IPP: variants seen among roughly 807,000 people sequenced by gnomAD.
IPP encodes intracisternal A particle-promoted polypeptide.
IPP carries 41 observed loss-of-function variants against 64.1 expected under a neutral mutation model. The ratio of observed to expected loss-of-function variants is 0.64; its 90% CI spans 0.50 to 0.83. The LOEUF (loss-of-function observed/expected upper bound fraction) is 0.83. IPP is among the 40% of genes least tolerant of loss of function. The pLI, the probability that IPP is intolerant of heterozygous loss-of-function variation, is 0.00. For missense variants in IPP, 649 were observed against 703.0 expected, an observed-to-expected ratio of 0.92 and a Z score of 0.87; for synonymous variants, 214 against 235.2, an observed-to-expected ratio of 0.91 and a Z score of 0.83.
intron 2 of IPP, among the ~76,000 whole-genome samples, chr1:45,741,623 CTT>C (rs57797396): frequency 2.1e-5 from 2 of 96,128 alleles, no homozygotes; most frequent in African/African-American, 3.9e-5. Flanking sequence ...TTCTTATTTT[CTT>C]TTTTTTTTTT....
chr1:45,727,716 C>A lies in IPP; in HGVS notation c.963G>T (p.Gln321His). ...GAAGTGAAGACACAGTGGTCCAGTA[C>A]TGGCTAAAGGTGTCAAAACGTTCTA... Reference protein sequence around the residue: ...SCVERFDTFSQYWTTVSSLHQ... With the variant: ...SCVERFDTFSHYWTTVSSLHQ... Residue 321 changes from glutamine to histidine, a missense_variant, in exon 5 of 9, where the codon CAG becomes CAT. Transcript: ENST00000396478. 1 of 1,602,222 alleles carries A rather than the reference C, an allele frequency of 6.2e-7. No homozygotes were observed. Among genetic ancestry groups the A allele is most frequent in the Non-Finnish European group, 8.5e-7 (1 of 1,171,350 alleles).
rs1414315180 is a variant in IPP, at chr1:45,724,348, G to A, written c.1048+3283C>T. ...GGCTCGCTACAACCACCTCCCAGCCGCCTGCCTTGGCCTCCCAAAGAGCCG... is the reference window on the plus strand; with the variant it reads ...GGCTCGCTACAACCACCTCCCAGCCACCTGCCTTGGCCTCCCAAAGAGCCG... On this transcript the variant is annotated intron_variant, in intron 5 of 8. Transcript: ENST00000396478. Among the ~76,000 whole-genome samples, 3 of 151,442 alleles carry A rather than the reference G, an allele frequency of 2.0e-5. No individual in the cohort carries two copies. In the East Asian group the frequency reaches 5.9e-4, roughly 30 times the overall value.
chr1:45,719,158 T>C, intron 6 of IPP, 45 bp downstream of exon 6: 1 of 1,593,456 alleles, frequency 6.3e-7, no homozygotes, highest in Non-Finnish European at 8.6e-7. Context: ...AAATTAAAAA[T>C]ACATAAACAA....
At position 45,719,191 on chromosome 1, in the gene IPP, C is replaced by A. The variant is rs777006275; in HGVS notation, c.1186+12G>T. 1 of 1,613,318 alleles carries A rather than the reference C, an allele frequency of 6.2e-7. No individual in the cohort carries two copies. The highest frequency in any genetic ancestry group is 8.5e-7 in the Non-Finnish European group (1 of 1,179,634). On this transcript the variant is annotated intron_variant, in intron 6 of 8. Coordinates refer to ENST00000396478, the MANE Select transcript of IPP (RefSeq NM_005897.3). ...CAATATTAGCTATCTTTAAACTGAA[C>A]AACATAATTACCCAAAGCATAGATA...
intron 5 of IPP, among the ~76,000 whole-genome samples, chr1:45,721,089 T>G (rs374860218): frequency 6.6e-6 from 1 of 152,108 alleles, no homozygotes; most frequent in East Asian, 1.9e-4. Flanking sequence ...ACATATGACT[T>G]TATGAGGGTC....
At chr1:45,703,545 G>A (rs1645481980) in intron 8 of IPP, among the ~76,000 whole-genome samples, 1 of 151,466 alleles carries the variant, frequency 6.6e-6, no homozygotes, top group African/African-American at 2.4e-5. Flanking sequence ...ATGTTCAAGT[G>A]AATTTGAGAG....
chr1:45,738,850 A>ACAAAAAAAAC (rs1646016971), intron 3 of IPP, among the ~76,000 whole-genome samples: 1 of 139,130 alleles, frequency 7.2e-6, no homozygotes, highest in Non-Finnish European at 1.5e-5. Context: ...AAAAAAAAAA[A>ACAAAAAAAAC]AAAAAAAAAA....
At chr1:45,750,561 C>T (rs1646209064) in intron 1 of IPP, 36 bp downstream of exon 1, 1 of 152,494 alleles carries the variant, frequency 6.6e-6, no homozygotes, top group Non-Finnish European at 1.5e-5. Context: ...GTTCCCAACC[C>T]CGTCACAGAC....
chr1:45,709,541 G>A (rs1298906864), intron 8 of IPP, among the ~76,000 whole-genome samples: 2 of 150,516 alleles, frequency 1.3e-5, no homozygotes, highest in Non-Finnish European at 3.0e-5. Context: ...TAAACATATG[G>A]GTATTTATAA....
intron 3 of IPP, among the ~76,000 whole-genome samples, chr1:45,735,621 A>ATTTT (rs1160000550): frequency 2.1e-3 from 119 of 57,436 alleles, no homozygotes; most frequent in Non-Finnish European, 2.5e-3. Context: ...AGACCTGGCT[A>ATTTT]TTTTTTTTTT....
intron 5 of IPP, among the ~76,000 whole-genome samples, chr1:45,724,238 C>T (rs1232925568): frequency 5.9e-5 from 9 of 152,202 alleles, no homozygotes; most frequent in African/African-American, 2.2e-4. Context: ...CCAGCCTTCG[C>T]CTCCCGAGGT....
chr1:45,696,626 C>A (rs1336202165), downstream of IPP: 1 of 152,044 alleles, frequency 6.6e-6, no homozygotes, highest in Non-Finnish European at 1.5e-5. Flanking sequence ...ACAAAAAATA[C>A]AAAATTAGCT....
chr1:45,746,168 C>T lies in IPP; in HGVS notation c.244G>A (p.Gly82Arg). 1 of 1,614,024 alleles carries T rather than the reference C, an allele frequency of 6.2e-7. No homozygotes were observed. The highest frequency in any genetic ancestry group is 8.5e-7 in the Non-Finnish European group (1 of 1,179,894). Residue 82 changes from glycine (G) to arginine (R), a missense_variant, in exon 2 of 9, where the codon GGA becomes AGA. Coordinates refer to ENST00000396478, the MANE Select transcript of IPP (RefSeq NM_005897.3). The part of the protein sequence containing the change: ...ESSKDVVPIL[G>R]IEAGIFQILL... ...ATCTGAAAGATTCCTGCTTCAATTC[C>T]TAGAATCGGTACAACATCTTTTGAG...
In IPP at chr1:45,738,845, A is replaced by C. The variant is rs28488720; in HGVS notation, c.724+2056T>G. ...ACAGAGCAAGACTCCATCTCAAAAA[A>C]AAAAAAAAAAAAAAAAAAAACAAGA... On this transcript the variant is annotated intron_variant, in intron 3 of 8. Transcript: ENST00000396478. 5.4e-3 allele frequency among the ~76,000 whole-genome samples: 478 copies of C among 87,984 alleles called. 1 individual carries two copies. The highest frequency in any genetic ancestry group is 9.5e-3 in the South Asian group (22 of 2,320). The allele number at this position is 87,984 out of a possible 152,430, so 57.7% of individuals were successfully genotyped here. A position where few individuals can be genotyped will look rare whatever the true frequency, so the allele number is the denominator to read the frequency against.
downstream of IPP, chr1:45,694,549 C>T (rs1645370193): frequency 2.5e-6 from 3 of 1,185,638 alleles, no homozygotes; most frequent in South Asian, 2.6e-5. Context: ...TGAGTTTTCA[C>T]AGGAGTTACC....
downstream of IPP, chr1:45,698,704 A>T: frequency 1.1e-6 from 1 of 930,174 alleles, no homozygotes; most frequent in Non-Finnish European, 1.3e-6. Flanking sequence ...CAAAAAAGGA[A>T]GAATTTTTTT....
intron 3 of IPP, among the ~76,000 whole-genome samples, chr1:45,730,949 C>T (rs1645897208): frequency 6.6e-6 from 1 of 152,210 alleles, no homozygotes; most frequent in African/African-American, 2.4e-5. Flanking sequence ...AAAGGATCAC[C>T]TGGATTTGCT....
intron 3 of IPP, among the ~76,000 whole-genome samples, chr1:45,738,839 CAAAAAAAAAAAAA>C (rs752168393): frequency 1.2e-3 from 9 of 7,696 alleles, no homozygotes; most frequent in African/African-American, 2.8e-3. Context: ...GACTCCATCT[CAAAAAAAAAAAAA>C]AAAAAAAAAA....
intron 1 of IPP, among the ~76,000 whole-genome samples, chr1:45,749,874 C>T (rs1051342645): frequency 6.6e-6 from 1 of 151,922 alleles, no homozygotes; most frequent in African/African-American, 2.4e-5. Flanking sequence ...ATACAGCGAG[C>T]CCCCCGCCGC....
Sources: allele counts gnomAD v4.1 joint callset (sites outside exome capture counted in the v4.1 genomes callset), GRCh38; gene constraint gnomAD v4.1.1; transcripts MANE v1.5; gene names NCBI Gene and HGNC (gene_info 2026-07-23, HGNC 2026-07-21).